VPS13D: variants seen among roughly 807,000 people sequenced by gnomAD.
VPS13D encodes vacuolar protein sorting 13 homolog D.
A neutral mutation model predicts 461.9 loss-of-function variants in VPS13D; 187 were observed. The observed-to-expected ratio is 0.40, with a 90% CI of 0.36 to 0.46. VPS13D has a LOEUF of 0.46. VPS13D is among the 20% of genes least tolerant of loss of function. VPS13D has a pLI of 0.60. For missense variants in VPS13D, 4,711 were observed against 5,364.9 expected (o/e 0.88, Z 3.81); for synonymous variants, 1,951 against 1,986.3 (o/e 0.98, Z 0.47).
intron 32 of VPS13D, among the ~76,000 whole-genome samples, chr1:12,321,241 A>G (rs915991180): frequency 2.0e-5 from 3 of 152,246 alleles, no homozygotes; most frequent in African/African-American, 7.2e-5. Flanking sequence ...CCCAGTTTTA[A>G]TAATATGTTT....
intron 21 of VPS13D, among the ~76,000 whole-genome samples, chr1:12,287,847 T>A (rs1642016953): frequency 6.6e-6 from 1 of 152,220 alleles, no homozygotes; most frequent in African/African-American, 2.4e-5. Context: ...ATTTATCATT[T>A]TGTTTTGAAA....
chr1:12,269,701 G>A (rs1246453438), intron 16 of VPS13D, among the ~76,000 whole-genome samples: 1 of 152,164 alleles, frequency 6.6e-6, no homozygotes, highest in East Asian at 1.9e-4. Context: ...ATACTTTTAT[G>A]GACAGGGAGA....
At chr1:12,468,598 G>A (rs571456298) in intron 67 of VPS13D, among the ~76,000 whole-genome samples, 1 of 152,294 alleles carries the variant, frequency 6.6e-6, no homozygotes, top group Admixed American at 6.5e-5. Flanking sequence ...TAATTCACCC[G>A]TGGTTTTCTT....
At chr1:12,329,293 A>G (rs894241679) in intron 36 of VPS13D, among the ~76,000 whole-genome samples, 1 of 151,950 alleles carries the variant, frequency 6.6e-6, no homozygotes, top group Admixed American at 6.6e-5. Flanking sequence ...GGCTCACTGC[A>G]ACCTCCGCCT....
intron 68 of VPS13D, among the ~76,000 whole-genome samples, chr1:12,503,236 C>T (rs1261407345): frequency 6.6e-6 from 1 of 152,224 alleles, no homozygotes; most frequent in Non-Finnish European, 1.5e-5. Flanking sequence ...AGGGTGTAAG[C>T]TGGTGCTGCA....
intron 46 of VPS13D, among the ~76,000 whole-genome samples, chr1:12,352,506 C>T (rs2101595728): frequency 6.6e-6 from 1 of 152,226 alleles, no homozygotes; most frequent in East Asian, 1.9e-4. Flanking sequence ...TAGGGAAATG[C>T]ATACAGTGGG....
chr1:12,265,740 C>T (rs909976094), intron 13 of VPS13D, among the ~76,000 whole-genome samples: 1 of 152,168 alleles, frequency 6.6e-6, no homozygotes, highest in Non-Finnish European at 1.5e-5. Context: ...GAAGATGTGA[C>T]TGAATTGCTG....
chr1:12,294,484 G>C (rs1642219390), intron 24 of VPS13D, among the ~76,000 whole-genome samples: 1 of 152,212 alleles, frequency 6.6e-6, no homozygotes, highest in Non-Finnish European at 1.5e-5. Context: ...AGTTAGTGCA[G>C]TGTCTGGCAG....
At chr1:12,400,417 C>T (rs569858392) in intron 61 of VPS13D, 87 bp downstream of exon 61, 53 of 1,515,284 alleles carry the variant, frequency 3.5e-5, no homozygotes, top group Non-Finnish European at 4.2e-5. Flanking sequence ...GCAGCAGTGC[C>T]GGGTGCTGAT....
intron 34 of VPS13D, among the ~76,000 whole-genome samples, chr1:12,323,452 C>T (rs949961191): frequency 5.9e-5 from 9 of 151,770 alleles, no homozygotes; most frequent in African/African-American, 4.8e-5. Context: ...GGGCCAGATG[C>T]GAAATAGACC....
At chr1:12,301,843 A>C (rs1302381629) in intron 25 of VPS13D, among the ~76,000 whole-genome samples, 2 of 152,016 alleles carry the variant, frequency 1.3e-5, no homozygotes, top group African/African-American at 2.4e-5. Flanking sequence ...ACATTTTATC[A>C]CTCTGGAGAT....
chr1:12,314,452 A>T (rs538052769), intron 30 of VPS13D, 125 bp downstream of exon 30: 1 of 913,698 alleles, frequency 1.1e-6, no homozygotes. Context: ...ATAATGGCTT[A>T]ATCAGTGCAG....
rs761532839 is a variant in VPS13D, at chr1:12,277,954, C to A, written c.4366C>A (p.Pro1456Thr). The change falls in exon 19 of 70, where the codon CCT becomes ACT. Residue 1456 changes from proline (P) to threonine (T), a missense_variant. Physicochemically the swap from Pro to Thr is conservative, Grantham distance 38. This residue lies in a region of VPS13D where 4,411 missense variants were observed against 4,937.8 expected (regional missense o/e 0.89). Transcript: ENST00000620676. ...TGAAGGAAGCCGGATGTTTTGCCCA[C>A]CTTCCGGGTCTGGCAGTGCCAACAG... is the stretch of plus-strand genomic sequence containing the variant. ...GSEGSRMFCPPSGSGSANSQE... is the reference protein window; with the variant it reads ...GSEGSRMFCPTSGSGSANSQE... The A allele has an allele frequency of 5.0e-6, 8 of 1,614,078 alleles. No individual in the cohort carries two copies. Among genetic ancestry groups the A allele is most frequent in the Non-Finnish European group, 6.8e-6 (8 of 1,180,050 alleles).
chr1:12,479,840 T>A (rs1274689337), intron 67 of VPS13D, among the ~76,000 whole-genome samples: 2 of 152,218 alleles, frequency 1.3e-5, no homozygotes, highest in Non-Finnish European at 2.9e-5. Flanking sequence ...AGACCCTGGT[T>A]CACTTGGAGA....
intron 24 of VPS13D, among the ~76,000 whole-genome samples, chr1:12,295,502 A>G (rs1216482330): frequency 1.3e-5 from 2 of 152,208 alleles, no homozygotes; most frequent in Non-Finnish European, 2.9e-5. Flanking sequence ...TAAAAAATAT[A>G]CAAGTAGCAT....
intron 60 of VPS13D, among the ~76,000 whole-genome samples, chr1:12,393,584 C>A (rs117724710): frequency 6.6e-6 from 1 of 152,218 alleles, no homozygotes; most frequent in Admixed American, 6.5e-5. Flanking sequence ...GTCTTCTGCA[C>A]GGGCCAAATG....
chr1:12,272,392 GGTGTGTGTGT>G (rs60615824), intron 17 of VPS13D, among the ~76,000 whole-genome samples: 45 of 143,126 alleles, frequency 3.1e-4, no homozygotes, highest in Middle Eastern at 3.6e-3. Context: ...TTTTTGTTTT[GGTGTGTGTGT>G]GTGTGTGTGT....
In VPS13D at chr1:12,263,104, A is replaced by G. The variant is rs531168830; in HGVS notation, c.1594+1024A>G. Among the ~76,000 whole-genome samples the G allele has an allele frequency of 2.0e-5, 3 of 152,326 alleles. No individual in the cohort carries two copies. The South Asian group carries it at 6.2e-4, about 32-fold the overall frequency. On this transcript the variant is annotated intron_variant, in intron 13 of 69. Coordinates refer to ENST00000620676, the MANE Select transcript of VPS13D (RefSeq NM_015378.4). ...TATTAACATTGAACTCATGGCCTAT[A>G]GCACTATACCTCATGCCTGAATGAA... is the stretch of plus-strand genomic sequence containing the variant.
Position 12,276,856 on chromosome 1 carries a change from G to C in VPS13D, c.3268G>C (p.Glu1090Gln), listed in dbSNP as rs760394220. The stretch of plus-strand genomic sequence containing the variant: ...GTTGGAATATCAGTTTGTGAGTTCA[G>C]AGTGCCCATCGATGAATTTAGACAG... Reference protein sequence around the residue: ...IKLEYQFVSSECPSMNLDSTL... With the variant: ...IKLEYQFVSSQCPSMNLDSTL... The change falls in exon 19 of 70, where the codon GAG becomes CAG. Residue 1090 changes from glutamate (E) to glutamine (Q), a missense_variant. By Grantham distance (29) the Glu-to-Gln change is conservative. This residue lies in a region of VPS13D where 4,411 missense variants were observed against 4,937.8 expected (regional missense o/e 0.89). Coordinates refer to ENST00000620676, the MANE Select transcript of VPS13D (RefSeq NM_015378.4). This position sits in a 1 kb window ranked among gnomAD's most constrained non-coding sequence, Gnocchi z 4.5. 4.3e-6 allele frequency: 7 copies of C among 1,614,078 alleles called. No individual in the cohort carries two copies. The highest frequency in any genetic ancestry group is 1.1e-5 in the South Asian group (1 of 91,090).
Sources: gnomAD v4.1 joint callset for allele counts (sites outside exome capture counted in the v4.1 genomes callset) on GRCh38, gnomAD v4.1.1 for gene constraint, gnomAD v4.1.1 regional missense constraint, Gnocchi (gnomAD v3.1) non-coding constraint, MANE v1.5 for transcripts, NCBI Gene and HGNC (gene_info 2026-07-23, HGNC 2026-07-21) for gene names.